Variants in MAN2A1 observed in about 807,000 individuals in gnomAD.
The protein encoded by MAN2A1 is alpha-mannosidase 2.
MAN2A1 carries 76 observed loss-of-function variants against 142.6 expected under a neutral mutation model. That is an observed-to-expected ratio of 0.53 (90% CI 0.44 to 0.65). The LOEUF (loss-of-function observed/expected upper bound fraction) is 0.65, where lower values mean the gene tolerates loss of function less well. MAN2A1 is among the 30% of genes least tolerant of loss of function. The pLI is 0.00. For synonymous variants in MAN2A1, 559 were observed against 473.2 expected (o/e 1.18, Z -2.35); for missense variants, 1,311 against 1,365.1 (o/e 0.96, Z 0.62).
chr5:109,780,219 A>C (rs1487619793), intron 8 of MAN2A1, among the ~76,000 whole-genome samples: 1 of 151,422 alleles, frequency 6.6e-6, no homozygotes, highest in Non-Finnish European at 1.5e-5. Flanking sequence ...CACCACACCC[A>C]GCTAATTTTT....
intron 19 of MAN2A1, among the ~76,000 whole-genome samples, chr5:109,851,174 T>A (rs1755472236): frequency 1.3e-5 from 2 of 152,038 alleles, no homozygotes; most frequent in Non-Finnish European, 2.9e-5. Context: ...CTGCAGAGAG[T>A]CAGTAAAAAC....
At chr5:109,751,769 A>G (rs180880594) in intron 4 of MAN2A1, among the ~76,000 whole-genome samples, 50 of 151,840 alleles carry the variant, frequency 3.3e-4, no homozygotes, top group Admixed American at 1.2e-3. Flanking sequence ...CTAAATTCAG[A>G]TTTATTATTT....
At chr5:109,731,631 G>C (rs1038386164) in intron 4 of MAN2A1, among the ~76,000 whole-genome samples, 20 of 150,242 alleles carry the variant, frequency 1.3e-4, no homozygotes, top group Admixed American at 1.2e-3. Context: ...TTGTCCTTGC[G>C]ATAATTTGCT....
intron 1 of MAN2A1, among the ~76,000 whole-genome samples, chr5:109,697,269 G>A (rs577210742): frequency 2.0e-5 from 3 of 152,266 alleles, no homozygotes; most frequent in Admixed American, 1.3e-4. Context: ...GATGATTCTG[G>A]TTACAACATT....
At chr5:109,715,435 T>C (rs1315208839) in intron 2 of MAN2A1, among the ~76,000 whole-genome samples, 1 of 152,056 alleles carries the variant, frequency 6.6e-6, no homozygotes, top group Admixed American at 6.6e-5. Flanking sequence ...GTTTTAGTTT[T>C]TTTCCCACCG....
intron 18 of MAN2A1, 152 bp from the exon 19 acceptor site, chr5:109,847,505 G>A (rs1045420916): frequency 4.1e-6 from 2 of 491,080 alleles, no homozygotes; most frequent in Non-Finnish European, 6.6e-6. Context: ...TCAAGAGAAA[G>A]CCCATGGTGT....
chr5:109,789,917 T>C (rs1359232483), intron 12 of MAN2A1, among the ~76,000 whole-genome samples: 3 of 151,840 alleles, frequency 2.0e-5, no homozygotes, highest in Non-Finnish European at 4.4e-5. Flanking sequence ...TTTATTATTA[T>C]TGGAAGATCA....
rs372156457 is a variant in MAN2A1, at chr5:109,805,586, G to A, written c.1944-11687G>A. On this transcript the variant is annotated intron_variant, in intron 12 of 21. Coordinates refer to ENST00000261483, the MANE Select transcript of MAN2A1 (RefSeq NM_002372.4). The stretch of plus-strand genomic sequence containing the variant: ...AGATGCCTGGAATTTCCGGAGCACA[G>A]TGTTGTGAAGGGACCCTTGCATGAG... Among the ~76,000 whole-genome samples, 252 of 152,308 alleles carry A rather than the reference G, an allele frequency of 1.7e-3. 1 individual carries two copies. The highest frequency in any genetic ancestry group is 5.8e-3 in the African/African-American group (239 of 41,562).
At chr5:109,709,813 G>A (rs1751245076) in intron 1 of MAN2A1, among the ~76,000 whole-genome samples, 1 of 152,164 alleles carries the variant, frequency 6.6e-6, no homozygotes, top group Non-Finnish European at 1.5e-5. Flanking sequence ...GAACTGATTA[G>A]CAAATCAAAG....
chr5:109,789,462 T>C lies in MAN2A1; in HGVS notation c.1878T>C (p.Asp626=). 2 of 1,571,940 alleles carry C rather than the reference T, an allele frequency of 1.3e-6. No homozygotes were observed. The highest frequency in any genetic ancestry group is 1.7e-6 in the Non-Finnish European group (2 of 1,151,624). The change falls in exon 12 of 22, where the codon GAT becomes GAC. Residue 626 remains aspartate (D), a splice_region_variant and synonymous_variant. Transcript: ENST00000261483. ...AAAATTACTGTTCATTTTTATAGGA[T>C]TTGAAACAAAAATCACAAGATTCTC... The part of the protein sequence containing the change: ...SYSPDTFLEM[D]LKQKSQDSLP...
chr5:109,766,769 A>C (rs1381027175), intron 5 of MAN2A1, among the ~76,000 whole-genome samples: 1 of 152,216 alleles, frequency 6.6e-6, no homozygotes, highest in Non-Finnish European at 1.5e-5. Flanking sequence ...AGAATCCCAA[A>C]TAATTAAAAC....
intron 12 of MAN2A1, among the ~76,000 whole-genome samples, chr5:109,803,106 A>G (rs1754073952): frequency 6.6e-6 from 1 of 152,042 alleles, no homozygotes; most frequent in African/African-American, 2.4e-5. Context: ...CTTTTCTTCA[A>G]TTTCACATGA....
Position 109,716,228 on chromosome 5 carries a change from C to T in MAN2A1, c.499C>T (p.Gln167Ter), listed in dbSNP as rs754621935. 6.2e-7 allele frequency: 1 copy of T among 1,609,010 alleles called. No individual in the cohort carries two copies. Among genetic ancestry groups the T allele is most frequent in the Non-Finnish European group, 8.5e-7 (1 of 1,177,294 alleles). The change falls in exon 3 of 22, where the codon CAA (glutamine) becomes TAA (stop). Residue 167 changes from glutamine to a stop codon, truncating the protein, a stop_gained. Coordinates refer to ENST00000261483, the MANE Select transcript of MAN2A1 (RefSeq NM_002372.4). LOFTEE classifies it high-confidence loss of function. ...ESNEWDTEPL[Q>*]VFVVPHSHND... is the part of the protein sequence containing the mutation. ...TAATGAATGGGACACTGAACCCCTT[C>T]AAGTCTTTGTGGTGCCTCATTCCCA...
intron 5 of MAN2A1, among the ~76,000 whole-genome samples, chr5:109,762,058 C>A (rs1162367315): frequency 6.6e-6 from 1 of 151,978 alleles, no homozygotes; most frequent in Non-Finnish European, 1.5e-5. Flanking sequence ...TTAGAGATAA[C>A]CTGTTTTGTG....
At chr5:109,812,819 A>G (rs1754354127) in intron 12 of MAN2A1, among the ~76,000 whole-genome samples, 1 of 152,106 alleles carries the variant, frequency 6.6e-6, no homozygotes, top group Non-Finnish European at 1.5e-5. Flanking sequence ...CCACATCAGT[A>G]GATACTATTT....
chr5:109,753,613 TC>T (rs1397847200), intron 4 of MAN2A1, among the ~76,000 whole-genome samples: 13 of 152,232 alleles, frequency 8.5e-5, no homozygotes, highest in African/African-American at 3.1e-4. Flanking sequence ...CATTATCCAC[TC>T]TGTTACTGGT....
At chr5:109,847,869 T>G (rs1755382508) in intron 19 of MAN2A1, 79 bp downstream of exon 19, 1 of 1,108,260 alleles carries the variant, frequency 9.0e-7, no homozygotes, top group African/African-American at 1.6e-5. Context: ...TTTCCACTTT[T>G]AAAATTTTAA....
intron 20 of MAN2A1, among the ~76,000 whole-genome samples, chr5:109,861,658 T>C (rs1236384132): frequency 6.6e-6 from 1 of 152,178 alleles, no homozygotes; most frequent in African/African-American, 2.4e-5. Context: ...AGAGATATGA[T>C]AGATAACTGT....
chr5:109,690,457 A>C lies in MAN2A1; in HGVS notation c.40A>C (p.Ile14Leu), dbSNP rs778551154. The change falls in exon 1 of 22, where the codon ATC becomes CTC. Residue 14 changes from isoleucine (I) to leucine (L), a missense_variant. Around this residue, in one of 3 missense-constraint regions of MAN2A1, gnomAD observed 409 missense variants for 412.7 expected, o/e 0.99. Transcript: ENST00000261483. ...SRQFTVFGSA[I>L]FCVVIFSLYL... ...CCAGTTCACCGTGTTCGGCAGTGCGATCTTCTGTGTGGTGATTTTCTCGCT... is the reference window on the plus strand; with the variant it reads ...CCAGTTCACCGTGTTCGGCAGTGCGCTCTTCTGTGTGGTGATTTTCTCGCT... 1 of 1,613,970 alleles carries C rather than the reference A, an allele frequency of 6.2e-7. No individual in the cohort carries two copies. The highest frequency in any genetic ancestry group is 8.5e-7 in the Non-Finnish European group (1 of 1,179,920).
Sources: allele counts gnomAD v4.1 joint callset (sites outside exome capture counted in the v4.1 genomes callset), GRCh38; gene constraint gnomAD v4.1.1; regional missense constraint gnomAD v4.1.1; transcripts MANE v1.5; gene names NCBI Gene and HGNC (gene_info 2026-07-23, HGNC 2026-07-21).